The following BCKDHB variants were observed in gnomAD, a reference collection of about 807,000 sequenced individuals.
BCKDHB encodes branched chain keto acid dehydrogenase E1 subunit beta, also known as 2-oxoisovalerate dehydrogenase subunit beta, mitochondrial.
Under a neutral mutation model 48.5 loss-of-function variants are expected in BCKDHB, and 41 were observed. That is an observed-to-expected ratio of 0.85 (90% CI 0.66 to 1.10). BCKDHB has a LOEUF of 1.10. Among genes scored for constraint, BCKDHB ranks in the 50% least tolerant of loss-of-function variants. The pLI is 0.00. For synonymous variants in BCKDHB, 201 were observed against 174.8 expected, an observed-to-expected ratio of 1.15 and a Z score of -1.18; for missense variants, 496 against 494.2, an observed-to-expected ratio of 1.00 and a Z score of -0.03.
At chr6:80,164,283 C>A (rs1462408747) in intron 3 of BCKDHB, among the ~76,000 whole-genome samples, 1 of 129,504 alleles carries the variant, frequency 7.7e-6, no homozygotes, top group Non-Finnish European at 1.8e-5. Flanking sequence ...GACTCCTTGC[C>A]CTTCCTCTGA....
the BCKDHB span, among the ~76,000 whole-genome samples, chr6:80,396,047 G>A: frequency 0.082 from 12,516 of 152,260 alleles, 558 homozygotes; most frequent in South Asian, 0.15. Flanking sequence ...GAAGTTTGCT[G>A]TAGAGGCAGA....
At chr6:80,373,140 G>T in the BCKDHB span, among the ~76,000 whole-genome samples, 1 of 151,906 alleles carries the variant, frequency 6.6e-6, no homozygotes, top group East Asian at 1.9e-4. Context: ...TTATTTGTCT[G>T]TTAAGAGTCT....
intron 9 of BCKDHB, among the ~76,000 whole-genome samples, chr6:80,323,805 C>G (rs1183469128): frequency 6.6e-6 from 1 of 152,206 alleles, no homozygotes; most frequent in Non-Finnish European, 1.5e-5. Flanking sequence ...CGGAATCTCG[C>G]TCTGTTGCCC....
intron 1 of BCKDHB, among the ~76,000 whole-genome samples, chr6:80,112,368 CTG>C (rs899017400): frequency 1.3e-5 from 2 of 152,112 alleles, no homozygotes; most frequent in African/African-American, 4.8e-5. Context: ...ACTCCAAACA[CTG>C]GGGCCAAACA....
chr6:80,286,782 A>T (rs1055696575), intron 9 of BCKDHB, among the ~76,000 whole-genome samples: 1 of 152,090 alleles, frequency 6.6e-6, no homozygotes, highest in African/African-American at 2.4e-5. Context: ...TGTGTTATTA[A>T]TGAAGGTTTT....
At chr6:80,286,155 G>A (rs2127979788) in intron 9 of BCKDHB, among the ~76,000 whole-genome samples, 1 of 152,188 alleles carries the variant, frequency 6.6e-6, no homozygotes, top group Non-Finnish European at 1.5e-5. Flanking sequence ...GTTGCTACTA[G>A]AAGATATTTG....
intron 9 of BCKDHB, among the ~76,000 whole-genome samples, chr6:80,294,332 A>G (rs1039107491): frequency 4.2e-4 from 64 of 152,200 alleles, no homozygotes; most frequent in African/African-American, 1.4e-3. Flanking sequence ...CCATGGTGAT[A>G]ATTGTGTTAA....
At chr6:80,139,061 G>A (rs957336574) in intron 3 of BCKDHB, among the ~76,000 whole-genome samples, 21 of 152,204 alleles carry the variant, frequency 1.4e-4, no homozygotes, top group African/African-American at 4.6e-4. Context: ...CGGTGATGGT[G>A]AGCATTTTTT....
At chr6:80,442,063 T>G in the BCKDHB span, among the ~76,000 whole-genome samples, 1 of 152,176 alleles carries the variant, frequency 6.6e-6, no homozygotes, top group Non-Finnish European at 1.5e-5. Context: ...ATATTAAAAC[T>G]TATTTACTCA....
the BCKDHB span, among the ~76,000 whole-genome samples, chr6:80,395,476 T>G: frequency 3.8e-3 from 577 of 152,336 alleles, 5 homozygotes; most frequent in Non-Finnish European, 5.8e-3. Context: ...ATTTTGCCCC[T>G]ACCAGAGAGA....
chr6:80,137,954 G>A (rs907796464), intron 3 of BCKDHB, among the ~76,000 whole-genome samples: 6 of 152,138 alleles, frequency 3.9e-5, no homozygotes, highest in African/African-American at 1.2e-4. Context: ...TAGCTGAGCA[G>A]GGTGGCACAC....
intron 8 of BCKDHB, among the ~76,000 whole-genome samples, chr6:80,264,041 TGAAATTTAAAATTCTA>T (rs1777411465): frequency 6.6e-6 from 1 of 152,160 alleles, no homozygotes; most frequent in African/African-American, 2.4e-5. Context: ...ACAAAGGAGT[TGAAATTTAAAATTCTA>T]GAAAAACTTG....
chr6:80,359,150 A>G, the BCKDHB span, among the ~76,000 whole-genome samples: 1 of 152,154 alleles, frequency 6.6e-6, no homozygotes, highest in South Asian at 2.1e-4. Context: ...TTCCTTGCGC[A>G]TCATTCTGCT....
At chr6:80,351,020 C>T (rs139591248), downstream of BCKDHB, among the ~76,000 whole-genome samples, 2 of 152,248 alleles carry the variant, frequency 1.3e-5, no homozygotes, top group African/African-American at 4.8e-5. Context: ...TACTTTGTAC[C>T]TGAGAAACAC....
intron 3 of BCKDHB, among the ~76,000 whole-genome samples, chr6:80,154,826 T>C (rs1562093068): frequency 6.6e-6 from 1 of 152,134 alleles, no homozygotes; most frequent in Non-Finnish European, 1.5e-5. Flanking sequence ...CTGAACTGAT[T>C]CGAGGGCTTC....
chr6:80,403,237 G>A, the BCKDHB span, among the ~76,000 whole-genome samples: 1 of 151,686 alleles, frequency 6.6e-6, no homozygotes, highest in Admixed American at 6.6e-5. Flanking sequence ...ATGAACGTGG[G>A]ATATCTTTCC....
At chr6:80,318,610 G>A (rs1768558532) in intron 9 of BCKDHB, among the ~76,000 whole-genome samples, 1 of 151,384 alleles carries the variant, frequency 6.6e-6, no homozygotes, top group Non-Finnish European at 1.5e-5. Flanking sequence ...GCTTGAACCC[G>A]GGAGGTGGAG....
the BCKDHB span, among the ~76,000 whole-genome samples, chr6:80,391,173 A>ATGTGTGTG: frequency 0.011 from 190 of 17,664 alleles, 1 homozygote; most frequent in South Asian, 0.2. Context: ...AAATGCATAT[A>ATGTGTGTG]TATATGTGTG....
chr6:80,216,366 A>G (rs2127850619), intron 8 of BCKDHB, among the ~76,000 whole-genome samples: 1 of 152,346 alleles, frequency 6.6e-6, no homozygotes, highest in South Asian at 2.1e-4. Flanking sequence ...CACCTTTATA[A>G]TATAAAGATA....
Sources: allele counts gnomAD v4.1 joint callset (sites outside exome capture counted in the v4.1 genomes callset), GRCh38; gene constraint gnomAD v4.1.1; transcripts MANE v1.5; gene names NCBI Gene and HGNC (gene_info 2026-07-23, HGNC 2026-07-21).